SORBS2: variants seen among roughly 807,000 people sequenced by gnomAD.
The protein encoded by SORBS2 is sorbin and SH3 domain-containing protein 2.
In SORBS2, 46 loss-of-function variants were observed where a neutral mutation model predicts 97.7. That is an observed-to-expected ratio of 0.47 (90% CI 0.37 to 0.60). The LOEUF (loss-of-function observed/expected upper bound fraction) is 0.60. Among genes scored for constraint, SORBS2 ranks in the 20% least tolerant of loss-of-function variants. SORBS2 has a pLI of 0.00. For missense variants in SORBS2, 1,316 were observed against 1,282.3 expected (o/e 1.03, Z -0.40); for synonymous variants, 476 against 473.4 (o/e 1.01, Z -0.07).
At chr4:185,726,680 G>A (rs192409672) in intron 2 of SORBS2, among the ~76,000 whole-genome samples, 379 of 151,634 alleles carry the variant, frequency 2.5e-3, no homozygotes, top group Non-Finnish European at 4.2e-3. Context: ...GAATGAACCA[G>A]AATATTGCTT....
chr4:185,617,027 G>T (rs905142819), intron 9 of SORBS2, among the ~76,000 whole-genome samples: 2 of 152,174 alleles, frequency 1.3e-5, no homozygotes, highest in Non-Finnish European at 2.9e-5. Flanking sequence ...GGGATTACAG[G>T]CATGAGCCAC....
chr4:185,766,366 G>A (rs545880743), intron 2 of SORBS2, among the ~76,000 whole-genome samples: 4 of 152,206 alleles, frequency 2.6e-5, no homozygotes, highest in African/African-American at 7.2e-5. Context: ...ATTGGGTTTC[G>A]GATAGTCTCC....
Position 185,614,823 on chromosome 4 carries a change from T to C in SORBS2, c.2595+8A>G, listed in dbSNP as rs755506470. The C allele has an allele frequency of 6.2e-7, 1 of 1,613,568 alleles. No homozygotes were observed. The highest frequency in any genetic ancestry group is 8.5e-7 in the Non-Finnish European group (1 of 1,179,768). Reference sequence around the variant, plus strand: ...AAAAACAAACAAACAAAAAACCAGCTGGGCTACCTTTCTCAGTGACAGCTC... The same window carrying C: ...AAAAACAAACAAACAAAAAACCAGCCGGGCTACCTTTCTCAGTGACAGCTC... On this transcript the variant is annotated splice_region_variant and intron_variant, in intron 11 of 14. Transcript: ENST00000418609.
chr4:185,904,806 C>T (rs2099249770), intron 1 of SORBS2, among the ~76,000 whole-genome samples: 1 of 152,002 alleles, frequency 6.6e-6, no homozygotes, highest in African/African-American at 2.4e-5. Flanking sequence ...CAACTACCTC[C>T]AAGGGTAAAA....
intron 4 of SORBS2, among the ~76,000 whole-genome samples, chr4:185,674,862 G>A (rs888017035): frequency 1.3e-5 from 2 of 152,144 alleles, no homozygotes; most frequent in Admixed American, 6.5e-5. Flanking sequence ...TACTTGACAT[G>A]ATATCTGGTC....
At chr4:185,893,970 C>T (rs567855913) in intron 1 of SORBS2, among the ~76,000 whole-genome samples, 4 of 152,176 alleles carry the variant, frequency 2.6e-5, no homozygotes, top group African/African-American at 7.2e-5. Context: ...AAGGGTGCCT[C>T]GGAGCCTGTC....
chr4:185,792,984 C>T (rs1284392010), intron 1 of SORBS2, among the ~76,000 whole-genome samples: 1 of 152,172 alleles, frequency 6.6e-6, no homozygotes, highest in Non-Finnish European at 1.5e-5. Flanking sequence ...CTCATCAGAG[C>T]GTTTGTGTGA....
chr4:185,784,832 A>T (rs539165612), intron 1 of SORBS2, among the ~76,000 whole-genome samples: 26 of 152,210 alleles, frequency 1.7e-4, no homozygotes, highest in Non-Finnish European at 2.8e-4. Context: ...TCTCCGGCCC[A>T]TTATCATTTC....
chr4:185,593,566 G>A, intron 13 of SORBS2: 1 of 296,880 alleles, frequency 3.4e-6, no homozygotes, highest in Non-Finnish European at 6.2e-6. Context: ...GTATGTCTTT[G>A]AAGCTCGCAG....
At chr4:185,908,291 A>C (rs1449078654) in intron 1 of SORBS2, among the ~76,000 whole-genome samples, 7 of 66,752 alleles carry the variant, frequency 1.0e-4, no homozygotes, top group Non-Finnish European at 2.0e-4. Flanking sequence ...ATATATATAT[A>C]TATATATATA....
chr4:185,747,753 A>G (rs747172424), intron 2 of SORBS2, among the ~76,000 whole-genome samples: 16 of 152,058 alleles, frequency 1.1e-4, no homozygotes, highest in Non-Finnish European at 2.4e-4. Flanking sequence ...TAATCCCAGC[A>G]CTTTGGGAGG....
chr4:185,716,598 G>GTT (rs5864954), intron 2 of SORBS2, among the ~76,000 whole-genome samples: 3 of 151,952 alleles, frequency 2.0e-5, no homozygotes, highest in East Asian at 1.9e-4. Context: ...GTATAAATGA[G>GTT]TTTTTTTTAA....
intron 2 of SORBS2, among the ~76,000 whole-genome samples, chr4:185,729,088 G>T (rs902902385): frequency 7.2e-5 from 11 of 152,254 alleles, no homozygotes; most frequent in Admixed American, 3.3e-4. Context: ...CACATGAGAA[G>T]AATTCTATAA....
At chr4:185,714,281 A>C (rs936856038) in intron 2 of SORBS2, among the ~76,000 whole-genome samples, 1 of 152,220 alleles carries the variant, frequency 6.6e-6, no homozygotes, top group Non-Finnish European at 1.5e-5. Context: ...ATTTTGCAGC[A>C]GTGTCTTGCT....
chr4:185,882,080 A>G (rs1223958600), intron 1 of SORBS2, among the ~76,000 whole-genome samples: 1 of 152,078 alleles, frequency 6.6e-6, no homozygotes, highest in African/African-American at 2.4e-5. Flanking sequence ...ATTAATGCAA[A>G]ATTATATTTG....
At chr4:185,619,018 A>G (rs1230504770) in intron 8 of SORBS2, among the ~76,000 whole-genome samples, 1 of 152,230 alleles carries the variant, frequency 6.6e-6, no homozygotes, top group Non-Finnish European at 1.5e-5. Flanking sequence ...CTGAATCATA[A>G]TAAAAGGACC....
chr4:185,782,993 C>T (rs560658266), intron 1 of SORBS2, among the ~76,000 whole-genome samples: 13 of 152,294 alleles, frequency 8.5e-5, no homozygotes, highest in Non-Finnish European at 7.4e-5. Context: ...CAGCATGAAA[C>T]GTATCTTTTC....
chr4:185,725,798 C>T (rs1200372093), intron 2 of SORBS2, among the ~76,000 whole-genome samples: 1 of 152,102 alleles, frequency 6.6e-6, no homozygotes, highest in Admixed American at 6.6e-5. Context: ...CCTTTTAATT[C>T]CAAGCTGCAA....
intron 1 of SORBS2, among the ~76,000 whole-genome samples, chr4:185,945,855 G>A (rs1045170766): frequency 1.7e-4 from 26 of 152,146 alleles, no homozygotes; most frequent in Non-Finnish European, 3.7e-4. Flanking sequence ...ATGGGATGGA[G>A]GGGTAGGGAA....
Sources: allele counts gnomAD v4.1 joint callset (sites outside exome capture counted in the v4.1 genomes callset), GRCh38; gene constraint gnomAD v4.1.1; transcripts MANE v1.5; gene names NCBI Gene and HGNC (gene_info 2026-07-23, HGNC 2026-07-21).